ROBO1: variants seen among roughly 807,000 people sequenced by gnomAD.
ROBO1 encodes the protein roundabout guidance receptor 1, also known as roundabout homolog 1.
In ROBO1, 149 loss-of-function variants were observed where a neutral mutation model predicts 195.9. The observed-to-expected ratio is 0.76, with a 90% CI of 0.67 to 0.87. The LOEUF is 0.87. ROBO1 is among the 40% of genes least tolerant of loss of function. The pLI, the probability that ROBO1 is intolerant of heterozygous loss-of-function variation, is 0.00. For synonymous variants in ROBO1, 816 were observed against 733.2 expected (o/e 1.11, Z -1.82); for missense variants, 1,933 against 2,068.3 (o/e 0.93, Z 1.27).
At chr3:79,067,378 G>A (rs2079020847) in intron 3 of ROBO1, among the ~76,000 whole-genome samples, 1 of 151,970 alleles carries the variant, frequency 6.6e-6, no homozygotes, top group Admixed American at 6.6e-5. Flanking sequence ...AATCTTACAA[G>A]TTTAATGATG....
chr3:79,439,950 T>G (rs2039000306), intron 2 of ROBO1, among the ~76,000 whole-genome samples: 1 of 152,024 alleles, frequency 6.6e-6, no homozygotes, highest in Non-Finnish European at 1.5e-5. Context: ...AGGAAAGATC[T>G]GAGAAGGCTT....
chr3:79,651,980 T>C (rs896394997), intron 1 of ROBO1, among the ~76,000 whole-genome samples: 2 of 152,260 alleles, frequency 1.3e-5, no homozygotes, highest in East Asian at 3.9e-4. Flanking sequence ...TATTTATAGA[T>C]AGCAATTGCT....
At chr3:79,761,669 T>C (rs1399979386) in intron 1 of ROBO1, among the ~76,000 whole-genome samples, 1 of 152,244 alleles carries the variant, frequency 6.6e-6, no homozygotes, top group Non-Finnish European at 1.5e-5. Flanking sequence ...TCTGCCTTTC[T>C]GATGCAGGAC....
chr3:79,113,727 A>G (rs568523065), intron 3 of ROBO1, among the ~76,000 whole-genome samples: 6 of 152,230 alleles, frequency 3.9e-5, no homozygotes, highest in African/African-American at 1.2e-4. Flanking sequence ...AGATCCTGCC[A>G]TTACACTCCA....
At chr3:78,907,962 T>C (rs1454620583) in intron 4 of ROBO1, among the ~76,000 whole-genome samples, 1 of 151,950 alleles carries the variant, frequency 6.6e-6, no homozygotes, top group Non-Finnish European at 1.5e-5. Flanking sequence ...GGAAAGAAGC[T>C]GTATGCCGCC....
chr3:78,746,422 T>C (rs2082657879), intron 5 of ROBO1, among the ~76,000 whole-genome samples: 1 of 152,142 alleles, frequency 6.6e-6, no homozygotes, highest in Admixed American at 6.5e-5. Flanking sequence ...ATAAACAGTT[T>C]TTACTATAAC....
chr3:78,981,788 AACAC>A lies in ROBO1; in HGVS notation c.173-42865_173-42862del, dbSNP rs375186931. ...CCGCTCCCATCCCCTGGCCCCTGCC[AACAC>A]ACACACACACACACACACACACACA... On this transcript the variant is annotated intron_variant, in intron 3 of 30. Coordinates refer to ENST00000464233, the MANE Select transcript of ROBO1 (RefSeq NM_002941.4). Among the ~76,000 whole-genome samples, 1,263 of 140,670 alleles carry A rather than the reference AACAC, an allele frequency of 9.0e-3. 6 individuals carry two copies. Among genetic ancestry groups the A allele is most frequent in the Non-Finnish European group, 0.012 (744 of 64,206 alleles). The allele number at this position is 140,670 out of a possible 152,430, so 92.3% of individuals were successfully genotyped here.
At chr3:78,786,007 C>A (rs2083822027) in intron 4 of ROBO1, among the ~76,000 whole-genome samples, 1 of 152,104 alleles carries the variant, frequency 6.6e-6, no homozygotes, top group Non-Finnish European at 1.5e-5. Context: ...TTATAAAACT[C>A]TCAATCCATC....
intron 2 of ROBO1, among the ~76,000 whole-genome samples, chr3:79,375,975 G>T (rs2036368387): frequency 6.6e-6 from 1 of 152,164 alleles, no homozygotes; most frequent in South Asian, 2.1e-4. Flanking sequence ...TAGAGGCCAG[G>T]TGATATCCAC....
chr3:79,593,872 C>T (rs1025389309), intron 1 of ROBO1, among the ~76,000 whole-genome samples: 4 of 152,004 alleles, frequency 2.6e-5, no homozygotes, highest in Admixed American at 1.3e-4. Flanking sequence ...CCGCTTTGGC[C>T]TCCCAAACTG....
chr3:78,711,348 C>CTCCTTTCTTTTCTTTCTTTCTTCCT lies in ROBO1; in HGVS notation c.1045+3048_1045+3049insAGGAAGAAAGAAAGAAAAGAAAGGA, dbSNP rs1575992298. Among the ~76,000 whole-genome samples the CTCCTTTCTTTTCTTTCTTTCTTCCT allele has an allele frequency of 3.5e-4, 19 of 54,656 alleles. 1 individual carries two copies. The highest frequency in any genetic ancestry group is 1.5e-3 in the African/African-American group (16 of 10,886). The allele number at this position is 54,656 out of a possible 152,430, so 35.9% of individuals were successfully genotyped here. Reference sequence around the variant, plus strand: ...CTCTCCTTCCTTCCTTCCTTCCTTCCTCCTTCCTTCCTTCCTTCCTTCCTT... The same window carrying CTCCTTTCTTTTCTTTCTTTCTTCCT: ...CTCTCCTTCCTTCCTTCCTTCCTTCCTCCTTTCTTTTCTTTCTTTCTTCCTTCCTTCCTTCCTTCCTTCCTTCCTT... On this transcript the variant is annotated intron_variant, in intron 8 of 30. Coordinates refer to ENST00000464233, the MANE Select transcript of ROBO1 (RefSeq NM_002941.4).
At chr3:79,700,824 C>T (rs772235855) in intron 1 of ROBO1, among the ~76,000 whole-genome samples, 15 of 151,308 alleles carry the variant, frequency 9.9e-5, no homozygotes, top group Non-Finnish European at 2.1e-4. Flanking sequence ...GTGGGTTGTC[C>T]GTTAATGCTG....
At chr3:79,384,769 A>T (rs2036681929) in intron 2 of ROBO1, among the ~76,000 whole-genome samples, 1 of 152,046 alleles carries the variant, frequency 6.6e-6, no homozygotes, top group African/African-American at 2.4e-5. Flanking sequence ...CGTTTTTAAA[A>T]GTATCTCTGA....
chr3:78,672,753 G>A lies in ROBO1; in HGVS notation c.1343-2452C>T, dbSNP rs145589862. Among the ~76,000 whole-genome samples the A allele has an allele frequency of 1.6e-3, 239 of 152,256 alleles. 1 individual carries two copies. Among genetic ancestry groups the A allele is most frequent in the African/African-American group, 5.4e-3 (225 of 41,536 alleles). ...ACCAAAGAATGTACTGCATTTATGAGTCAAATCTTAATTTAGAAGGAGACA... is the reference window on the plus strand; with the variant it reads ...ACCAAAGAATGTACTGCATTTATGAATCAAATCTTAATTTAGAAGGAGACA... On this transcript the variant is annotated intron_variant, in intron 10 of 30. Coordinates refer to ENST00000464233, the MANE Select transcript of ROBO1 (RefSeq NM_002941.4).
At chr3:79,214,357 A>T (rs1180922430) in intron 2 of ROBO1, among the ~76,000 whole-genome samples, 2 of 152,256 alleles carry the variant, frequency 1.3e-5, no homozygotes, top group African/African-American at 2.4e-5. Flanking sequence ...GCTTCTCTGT[A>T]ACCAAATGTT....
intron 3 of ROBO1, among the ~76,000 whole-genome samples, chr3:78,953,375 T>C (rs1416404321): frequency 1.3e-5 from 2 of 151,954 alleles, no homozygotes; most frequent in African/African-American, 4.8e-5. Flanking sequence ...AACAAGTATA[T>C]TTGCATGTGT....
chr3:78,978,468 T>C (rs182840240), intron 3 of ROBO1, among the ~76,000 whole-genome samples: 3 of 152,256 alleles, frequency 2.0e-5, no homozygotes, highest in East Asian at 3.9e-4. Context: ...GGAGTCCTTA[T>C]TGAACGCCAG....
intron 4 of ROBO1, among the ~76,000 whole-genome samples, chr3:78,898,610 C>T (rs923724488): frequency 2.6e-5 from 4 of 151,560 alleles, no homozygotes; most frequent in Admixed American, 6.6e-5. Context: ...AGGATGGTCT[C>T]GATCTCCTGA....
At chr3:78,636,513 G>A (rs1056970629) in intron 22 of ROBO1, among the ~76,000 whole-genome samples, 1 of 151,984 alleles carries the variant, frequency 6.6e-6, no homozygotes, top group African/African-American at 2.4e-5. Flanking sequence ...AGCTGCTGAA[G>A]CAACAGACAA....
Sources: gnomAD v4.1 joint callset for allele counts (sites outside exome capture counted in the v4.1 genomes callset) on GRCh38, gnomAD v4.1.1 for gene constraint, MANE v1.5 for transcripts, NCBI Gene and HGNC (gene_info 2026-07-23, HGNC 2026-07-21) for gene names.